The following TRABD variants were observed in gnomAD, a reference collection of about 807,000 sequenced individuals.
The protein encoded by TRABD is traB domain-containing protein.
TRABD carries 23 observed loss-of-function variants against 39.6 expected under a neutral mutation model. That is an observed-to-expected ratio of 0.58 (90% confidence interval 0.42 to 0.82). The LOEUF is 0.82. TRABD is among the 40% of genes least tolerant of loss of function. The probability of loss-of-function intolerance (pLI) is 0.00; values close to 1 mark genes in which losing one functional copy is unlikely to be tolerated. For synonymous variants in TRABD, 243 were observed against 232.1 expected (o/e 1.05, Z -0.43); for missense variants, 487 against 544.9 (o/e 0.89, Z 1.06).
intron 5 of TRABD, among the ~76,000 whole-genome samples, chr22:50,196,316 C>T (rs1445524754): frequency 1.3e-5 from 2 of 152,230 alleles, no homozygotes; most frequent in Non-Finnish European, 2.9e-5. Flanking sequence ...GCCTGGGCCC[C>T]GGGGAAACAC....
chr22:50,188,403 C>T (rs2063811774), intron 1 of TRABD, among the ~76,000 whole-genome samples: 1 of 152,216 alleles, frequency 6.6e-6, no homozygotes, highest in African/African-American at 2.4e-5. Context: ...TAGGCTCCTC[C>T]CACCATGCCT....
In TRABD at chr22:50,194,810, T is replaced by C. The variant is rs564935864; in HGVS notation, c.280-90T>C. On this transcript the variant is annotated intron_variant, in intron 4 of 9. Coordinates refer to ENST00000380909, the MANE Select transcript of TRABD (RefSeq NM_001320485.2). ...CTGGGGTGACGCCAAGGCTGGCTGCTCCTGGGATGGGGCCCCTGGTGCTGG... is the reference window on the plus strand; with the variant it reads ...CTGGGGTGACGCCAAGGCTGGCTGCCCCTGGGATGGGGCCCCTGGTGCTGG... 289 of 1,535,094 alleles carry C rather than the reference T, an allele frequency of 1.9e-4. 1 individual carries two copies. The highest frequency in any genetic ancestry group is 8.0e-5 in the Non-Finnish European group (92 of 1,143,666).
intron 1 of TRABD, among the ~76,000 whole-genome samples, chr22:50,191,079 G>A (rs1480152789): frequency 6.6e-6 from 1 of 152,204 alleles, no homozygotes; most frequent in East Asian, 1.9e-4. Context: ...CATGAGCCTG[G>A]TGTTTATCAG....
rs777787456 is a variant in TRABD at position 50,194,522 on chromosome 22, C to T, written c.279+16C>T. The T allele has an allele frequency of 7.1e-6, 11 of 1,559,570 alleles. No individual in the cohort carries two copies. The highest frequency in any genetic ancestry group is 1.7e-4 in the Middle Eastern group (1 of 6,020). On this transcript the variant is annotated intron_variant, in intron 4 of 9. Coordinates refer to ENST00000380909, the MANE Select transcript of TRABD (RefSeq NM_001320485.2). Reference sequence around the variant, plus strand: ...CGTTGTGAAGGTGAGCGCCGCCACCCGCCACATCCCGGACACGGGTTGGTG... The same window carrying T: ...CGTTGTGAAGGTGAGCGCCGCCACCTGCCACATCCCGGACACGGGTTGGTG...
chr22:50,189,306 C>T (rs1446072394), intron 1 of TRABD, among the ~76,000 whole-genome samples: 2 of 152,260 alleles, frequency 1.3e-5, no homozygotes, highest in East Asian at 3.8e-4. Flanking sequence ...CCAGAGCATC[C>T]TGCCCAGGGT....
chr22:50,191,280 C>G (rs564479007), intron 1 of TRABD, among the ~76,000 whole-genome samples: 18 of 152,272 alleles, frequency 1.2e-4, no homozygotes, highest in South Asian at 4.1e-4. Flanking sequence ...TGCTCAGAGC[C>G]GTCCCTGCTC....
chr22:50,197,192 C>CGGGGGGGG, intron 5 of TRABD, 49 bp from the exon 6 acceptor site: 3 of 1,562,604 alleles, frequency 1.9e-6, no homozygotes, highest in African/African-American at 2.7e-5. Flanking sequence ...TCCCCCAGCG[C>CGGGGGGGG]ACCCCCGCAC....
intron 1 of TRABD, among the ~76,000 whole-genome samples, chr22:50,191,427 G>T (rs1392288735): frequency 2.0e-5 from 3 of 152,236 alleles, no homozygotes; most frequent in African/African-American, 7.2e-5. Flanking sequence ...AGTCCTGGCT[G>T]GGGCCGAGGT....
chr22:50,193,541 T>A, intron 2 of TRABD, 35 bp from the exon 3 acceptor site: 1 of 1,607,758 alleles, frequency 6.2e-7, no homozygotes, highest in Non-Finnish European at 8.5e-7. Context: ...CTGGGGTGCA[T>A]GGACCCTGAC....
intron 2 of TRABD, among the ~76,000 whole-genome samples, 159 bp from the exon 3 acceptor site, chr22:50,193,417 T>C (rs1397663644): frequency 1.3e-5 from 2 of 151,872 alleles, no homozygotes; most frequent in Non-Finnish European, 2.9e-5. Flanking sequence ...CCCGGGTACG[T>C]GGTCCGTGGA....
chr22:50,198,142 C>G lies in TRABD; in HGVS notation c.912C>G (p.Ile304Met), dbSNP rs778900848. The G allele has an allele frequency of 3.7e-6, 6 of 1,612,638 alleles. No individual in the cohort carries two copies. The highest frequency in any genetic ancestry group is 1.1e-5 in the South Asian group (1 of 91,042). Residue 304 changes from isoleucine (I) to methionine (M), a missense_variant, in exon 9 of 10, where the codon ATC becomes ATG. Transcript: ENST00000380909. The surrounding 1 kb of genome is among the most constrained non-coding windows in gnomAD (Gnocchi z 7.9). ...GVVGMGHVPGIEKNWSTDLNI... is the reference protein window; with the variant it reads ...GVVGMGHVPGMEKNWSTDLNI... ...TGGGCATGGGCCACGTGCCTGGCAT[C>G]GAGAAGAACTGGAGCACCGACCTCA... is the stretch of plus-strand genomic sequence containing the variant.
chr22:50,192,102 C>T (rs1305445996), intron 1 of TRABD: 1 of 152,326 alleles, frequency 6.6e-6, no homozygotes, highest in East Asian at 1.9e-4. Flanking sequence ...GTGACACATC[C>T]ATCCGCCAGG....
chr22:50,193,749 G>A (rs2063992499), intron 3 of TRABD, 95 bp downstream of exon 3: 2 of 1,271,026 alleles, frequency 1.6e-6, no homozygotes, highest in Non-Finnish European at 2.3e-6. Flanking sequence ...GGGGCTTGGA[G>A]CTTGTGGTGA....
In TRABD at chr22:50,198,076, C is replaced by T. The variant is rs377567732; in HGVS notation, c.846C>T (p.Ala282=). The T allele has an allele frequency of 1.1e-4, 175 of 1,612,458 alleles. No homozygotes were observed. Among genetic ancestry groups the T allele is most frequent in the Middle Eastern group, 1.6e-4 (1 of 6,084 alleles). Residue 282 remains alanine, a splice_region_variant and synonymous_variant, in exon 9 of 10, where the codon GCC becomes GCT. Transcript: ENST00000380909. This position sits in a 1 kb window ranked among gnomAD's most constrained non-coding sequence, Gnocchi z 7.9. ...RRLELPRASD[A]EPRKCVPSVV... ...CTGACCCCTTGTCCTTCCCCACAGC[C>T]GAGCCCAGGAAGTGCGTCCCCTCCG...
rs541436238 is a variant in TRABD at position 50,198,533 on chromosome 22, G to A, written c.*14G>A. ...CGGCACAAGTAGGAGACTGCTCCCC[G>A]CCCGCTCGGGCCCCTGAGGAGCCAG... is the stretch of plus-strand genomic sequence containing the variant. On this transcript the variant is annotated 3_prime_UTR_variant, in exon 10 of 10. Transcript: ENST00000380909. The surrounding 1 kb of genome is among the most constrained non-coding windows in gnomAD (Gnocchi z 7.9). 210 of 1,509,698 alleles carry A rather than the reference G, an allele frequency of 1.4e-4. 3 individuals are homozygous for A. In the East Asian group the frequency reaches 3.5e-3, roughly 25 times the overall value. 93.5% of individuals were successfully genotyped at this position (1,509,698 alleles called of 1,614,324 possible).
chr22:50,199,036 C>A lies in TRABD; in HGVS notation c.*517C>A. On this transcript the variant is annotated 3_prime_UTR_variant, in exon 10 of 10. Coordinates refer to ENST00000380909, the MANE Select transcript of TRABD (RefSeq NM_001320485.2). ...CTGGCCCTGGCCGCCACCTCCCTGGCACCGTCTGCCTGCAGGGATTCTGTG... is the reference window on the plus strand; with the variant it reads ...CTGGCCCTGGCCGCCACCTCCCTGGAACCGTCTGCCTGCAGGGATTCTGTG... 2 of 697,454 alleles carry A rather than the reference C, an allele frequency of 2.9e-6. No individual in the cohort carries two copies. The highest frequency in any genetic ancestry group is 2.1e-5 in the Admixed American group (1 of 48,488). 43.2% of individuals were successfully genotyped at this position (697,454 alleles called of 1,614,324 possible). A position where few individuals can be genotyped will look rare whatever the true frequency, so the allele number is the denominator to read the frequency against.
intron 5 of TRABD, among the ~76,000 whole-genome samples, chr22:50,195,574 C>G (rs554945172): frequency 6.6e-6 from 1 of 152,088 alleles, no homozygotes; most frequent in East Asian, 1.9e-4. Context: ...GTGATGCTCC[C>G]GCCTCAGCCT....
rs202019386 is a variant in TRABD at position 50,197,205 on chromosome 22, G to A, written c.421-36G>A. On this transcript the variant is annotated intron_variant, in intron 5 of 9. Coordinates refer to ENST00000380909, the MANE Select transcript of TRABD (RefSeq NM_001320485.2). ...ATTCCCCCAGCGCACCCCCGCACCCGCCCCTCCAGCTGATGCCTGCTCCCT... is the reference window on the plus strand; with the variant it reads ...ATTCCCCCAGCGCACCCCCGCACCCACCCCTCCAGCTGATGCCTGCTCCCT... The A allele has an allele frequency of 8.0e-4, 1,277 of 1,588,204 alleles. 25 individuals carry two copies. The African/African-American group carries it at 0.018, about 22-fold the overall frequency.
At chr22:50,191,466 G>T (rs1183563282) in intron 1 of TRABD, among the ~76,000 whole-genome samples, 2 of 152,218 alleles carry the variant, frequency 1.3e-5, no homozygotes, top group Non-Finnish European at 2.9e-5. Flanking sequence ...TGTGCCAACA[G>T]GGTTTGCAGA....
Sources: allele counts gnomAD v4.1 joint callset (sites outside exome capture counted in the v4.1 genomes callset), GRCh38; gene constraint gnomAD v4.1.1; non-coding constraint Gnocchi (gnomAD v3.1); transcripts MANE v1.5; gene names NCBI Gene and HGNC (gene_info 2026-07-23, HGNC 2026-07-21).